DAG1: variants seen among roughly 807,000 people sequenced by gnomAD.
DAG1 encodes dystroglycan 1 (dystrophin-associated glycoprotein 1).
Under a neutral mutation model 46.1 loss-of-function variants are expected in DAG1, and 8 were observed. The ratio of observed to expected loss-of-function variants is 0.17; its 90% confidence interval spans 0.10 to 0.31. The LOEUF is 0.31. DAG1 is among the 10% of genes least tolerant of loss of function. DAG1 has a pLI of 1.00. For synonymous variants in DAG1, 495 were observed against 481.8 expected (o/e 1.03, Z -0.36); for missense variants, 1,003 against 1,189.9 (o/e 0.84, Z 2.31).
At chr3:49,487,233 G>T (rs2050060856) in intron 1 of DAG1, 1 of 152,110 alleles carries the variant, frequency 6.6e-6, no homozygotes, top group African/African-American at 2.4e-5. Flanking sequence ...TGTAGAGATG[G>T]GGTTCTTCCT....
At chr3:49,501,430 A>G (rs2050447090) in intron 1 of DAG1, among the ~76,000 whole-genome samples, 1 of 152,196 alleles carries the variant, frequency 6.6e-6, no homozygotes, top group African/African-American at 2.4e-5. Flanking sequence ...CTGGGCACAT[A>G]TTAGTGATTG....
At chr3:49,478,479 C>G (rs752105242) in intron 1 of DAG1, among the ~76,000 whole-genome samples, 66 of 146,256 alleles carry the variant, frequency 4.5e-4, no homozygotes, top group Non-Finnish European at 8.7e-4. Flanking sequence ...GTGGCACGTT[C>G]CCTAGGTACT....
chr3:49,531,707 G>A lies in DAG1; in HGVS notation c.1196G>A (p.Gly399Asp). The A allele has an allele frequency of 6.2e-7, 1 of 1,613,888 alleles. No individual in the cohort carries two copies. Among genetic ancestry groups the A allele is most frequent in the Non-Finnish European group, 8.5e-7 (1 of 1,179,970 alleles). ...TCAGAAGCTGGCACCACAGTTCCTG[G>A]CCAGATTCGCCCAACGATGACCATT... is the stretch of plus-strand genomic sequence containing the variant. Reference protein sequence around the residue: ...RVSEAGTTVPGQIRPTMTIPG... With the variant: ...RVSEAGTTVPDQIRPTMTIPG... Residue 399 changes from glycine to aspartate, a missense_variant, in exon 3 of 3, where the codon GGC becomes GAC. Transcript: ENST00000308775. This position sits in a 1 kb window ranked among gnomAD's most constrained non-coding sequence, Gnocchi z 7.0.
At chr3:49,528,967 T>C (rs1267024706) in intron 2 of DAG1, among the ~76,000 whole-genome samples, 8 of 151,804 alleles carry the variant, frequency 5.3e-5, no homozygotes, top group African/African-American at 1.9e-4. Context: ...TCTTATGCCT[T>C]AGCCTCCTGA....
intron 1 of DAG1, among the ~76,000 whole-genome samples, chr3:49,473,882 C>A (rs1436852007): frequency 1.4e-5 from 2 of 141,414 alleles, no homozygotes; most frequent in Non-Finnish European, 1.6e-5. Context: ...CTGCGCCTGG[C>A]CTTTTTTTTT....
intron 1 of DAG1, among the ~76,000 whole-genome samples, chr3:49,470,791 C>T (rs2106687454): frequency 6.6e-6 from 1 of 152,342 alleles, no homozygotes; most frequent in East Asian, 1.9e-4. Context: ...GGTTGTGGCC[C>T]AGTTGGGCCG....
intron 2 of DAG1, among the ~76,000 whole-genome samples, chr3:49,513,897 G>T (rs771652068): frequency 6.6e-6 from 1 of 152,096 alleles, no homozygotes; most frequent in Non-Finnish European, 1.5e-5. Context: ...CCCTGCATTG[G>T]TTGCCTTTGT....
At chr3:49,490,910 G>T (rs1463623694) in intron 1 of DAG1, among the ~76,000 whole-genome samples, 2 of 141,280 alleles carry the variant, frequency 1.4e-5, no homozygotes, top group East Asian at 4.0e-4. Context: ...TTTTGAGACG[G>T]AGTCTCACTC....
intron 1 of DAG1, among the ~76,000 whole-genome samples, chr3:49,479,373 G>A (rs1279960507): frequency 1.3e-5 from 2 of 150,082 alleles, no homozygotes; most frequent in East Asian, 2.0e-4. Context: ...GCAGTGGCTC[G>A]ATCTCTGCTC....
At position 49,510,793 on chromosome 3, in the gene DAG1, A is replaced by G. The variant is rs116717961; in HGVS notation, c.259A>G (p.Ile87Val). The change falls in exon 2 of 3, where the codon ATT (isoleucine) becomes GTT (valine). Residue 87 changes from isoleucine (I) to valine (V), a missense_variant. Coordinates refer to ENST00000308775, the MANE Select transcript of DAG1 (RefSeq NM_004393.6). ...SFRVTIPTDLIASSGDIIKVS... is the reference protein window; with the variant it reads ...SFRVTIPTDLVASSGDIIKVS... Reference sequence around the variant, plus strand: ...TCGAGTGACCATTCCAACAGATTTGATTGCCTCCAGTGGAGATATCATCAA... The same window carrying G: ...TCGAGTGACCATTCCAACAGATTTGGTTGCCTCCAGTGGAGATATCATCAA... 0.01 allele frequency: 16,846 copies of G among 1,614,076 alleles called. 113 individuals are homozygous for G. The highest frequency in any genetic ancestry group is 0.017 in the Admixed American group (1,029 of 60,000).
chr3:49,524,196 G>C (rs1201487706), intron 2 of DAG1, among the ~76,000 whole-genome samples: 1 of 152,210 alleles, frequency 6.6e-6, no homozygotes, highest in East Asian at 1.9e-4. Context: ...CCCTTTGGGA[G>C]GGTGGGGCTC....
chr3:49,478,438 TAAA>T (rs57121601), intron 1 of DAG1, among the ~76,000 whole-genome samples: 1 of 119,430 alleles, frequency 8.4e-6, no homozygotes, highest in Non-Finnish European at 1.6e-5. Context: ...CTACAAAAAA[TAAA>T]AAAAAAAAAA....
In DAG1 at chr3:49,525,650, C is replaced by T. The variant is rs191852870; in HGVS notation, c.286-5147C>T. Among the ~76,000 whole-genome samples the T allele has an allele frequency of 3.8e-3, 580 of 151,606 alleles. 3 individuals carry two copies. The highest frequency in any genetic ancestry group is 0.01 in the Middle Eastern group (3 of 290). ...TCGGCTCACTGCAGGCTCCGCCCCC[C>T]GGGTTCACTGCCATTCTCCTGCCTC... On this transcript the variant is annotated intron_variant, in intron 2 of 2. Coordinates refer to ENST00000308775, the MANE Select transcript of DAG1 (RefSeq NM_004393.6).
chr3:49,532,393 G>T lies in DAG1; in HGVS notation c.1882G>T (p.Ala628Ser), dbSNP rs766618498. 1.9e-6 allele frequency: 3 copies of T among 1,614,188 alleles called. No individual in the cohort carries two copies. Among genetic ancestry groups the T allele is most frequent in the Non-Finnish European group, 1.7e-6 (2 of 1,180,028 alleles). Reference sequence around the variant, plus strand: ...GTTGAATGACATCCACAAGAAGATTGCCTTGGTAAAGAAACTGGCCTTCGC... The same window carrying T: ...GTTGAATGACATCCACAAGAAGATTTCCTTGGTAAAGAAACTGGCCTTCGC... ...LVLNDIHKKIALVKKLAFAFG... is the reference protein window; with the variant it reads ...LVLNDIHKKISLVKKLAFAFG... Residue 628 changes from alanine to serine, a missense_variant, in exon 3 of 3, where the codon GCC (alanine) becomes TCC (serine). Around this residue, in one of 3 missense-constraint regions of DAG1, gnomAD observed 755 missense variants for 854.1 expected, o/e 0.88. Transcript: ENST00000308775. The surrounding 1 kb of genome is among the most constrained non-coding windows in gnomAD (Gnocchi z 5.4).
chr3:49,472,656 A>G (rs2049555091), intron 1 of DAG1, among the ~76,000 whole-genome samples: 1 of 152,012 alleles, frequency 6.6e-6, no homozygotes, highest in Admixed American at 6.6e-5. Context: ...AAATACAAAA[A>G]ATTAGCCGGG....
chr3:49,507,362 A>G (rs1282359173), intron 1 of DAG1, among the ~76,000 whole-genome samples: 1 of 152,096 alleles, frequency 6.6e-6, no homozygotes, highest in African/African-American at 2.4e-5. Flanking sequence ...CAGGAGTTCA[A>G]GACCAGCCTG....
rs2051484345 is a variant in DAG1, at chr3:49,535,439, C to T, written c.*2240C>T. ...ATGCCTTTGCAGGCAGCCTGCTCCC[C>T]TGAGCGCTGGGCTGGTGATGGTCGT... On this transcript the variant is annotated 3_prime_UTR_variant, in exon 3 of 3. Coordinates refer to ENST00000308775, the MANE Select transcript of DAG1 (RefSeq NM_004393.6). 1 of 152,718 alleles carries T rather than the reference C, an allele frequency of 6.5e-6. No homozygotes were observed. Among genetic ancestry groups the T allele is most frequent in the Non-Finnish European group, 1.5e-5 (1 of 68,064 alleles). 9.5% of individuals were successfully genotyped at this position (152,718 alleles called of 1,614,324 possible). A position where few individuals can be genotyped will look rare whatever the true frequency, so the allele number is the denominator to read the frequency against.
At chr3:49,495,395 A>G (rs1296718458) in intron 1 of DAG1, among the ~76,000 whole-genome samples, 3 of 152,222 alleles carry the variant, frequency 2.0e-5, no homozygotes, top group Admixed American at 2.0e-4. Context: ...ATCTATAGCA[A>G]ATAAAGCCTC....
chr3:49,479,216 T>C (rs184238496), intron 1 of DAG1, among the ~76,000 whole-genome samples: 2 of 152,210 alleles, frequency 1.3e-5, no homozygotes, highest in East Asian at 3.9e-4. Flanking sequence ...CTCAGCCTGT[T>C]GTTCACCTTT....
Sources: gnomAD v4.1 joint callset for allele counts (sites outside exome capture counted in the v4.1 genomes callset) on GRCh38, gnomAD v4.1.1 for gene constraint, gnomAD v4.1.1 regional missense constraint, Gnocchi (gnomAD v3.1) non-coding constraint, MANE v1.5 for transcripts, NCBI Gene and HGNC (gene_info 2026-07-23, HGNC 2026-07-21) for gene names.